Variants in PRKCQ observed in about 807,000 individuals in gnomAD.
The protein encoded by PRKCQ is protein kinase C theta type.
PRKCQ carries 41 observed loss-of-function variants against 91.2 expected under a neutral mutation model. That is an observed-to-expected ratio of 0.45 (90% CI 0.35 to 0.58). The LOEUF (loss-of-function observed/expected upper bound fraction) is 0.58. PRKCQ is among the 20% of genes least tolerant of loss of function. The pLI is 0.00. For missense variants in PRKCQ, 673 were observed against 896.5 expected (o/e 0.75, Z 3.18); for synonymous variants, 307 against 316.9 (o/e 0.97, Z 0.33).
the PRKCQ span, among the ~76,000 whole-genome samples, chr10:6,419,247 G>T: frequency 6.6e-6 from 1 of 152,000 alleles, no homozygotes; most frequent in East Asian, 1.9e-4. Context: ...TTATGTGTGT[G>T]TACATATGTG....
intron 13 of PRKCQ, 71 bp downstream of exon 13, chr10:6,464,242 A>G (rs1835510774): frequency 7.0e-7 from 1 of 1,420,742 alleles, no homozygotes. Flanking sequence ...CAAGTGGGAA[A>G]AAAGGAAAAA....
chr10:6,576,397 T>G lies in PRKCQ; in HGVS notation c.-10+3814A>C, dbSNP rs756102379. Reference sequence around the variant, plus strand: ...AGGAAGGAAGTCCTGTCCAATGCTGTCACATGGATACAGCTTGAGAACACT... The same window carrying G: ...AGGAAGGAAGTCCTGTCCAATGCTGGCACATGGATACAGCTTGAGAACACT... On this transcript the variant is annotated intron_variant, in intron 1 of 17. Coordinates refer to ENST00000263125, the MANE Select transcript of PRKCQ (RefSeq NM_006257.5). The surrounding 1 kb of genome is among the most constrained non-coding windows in gnomAD (Gnocchi z 4.2). Among the ~76,000 whole-genome samples, 20 of 152,242 alleles carry G rather than the reference T, an allele frequency of 1.3e-4. No individual in the cohort carries two copies. The highest frequency in any genetic ancestry group is 2.6e-4 in the Non-Finnish European group (18 of 68,044).
At chr10:6,482,706 G>T (rs776577355) in intron 11 of PRKCQ, among the ~76,000 whole-genome samples, 4 of 152,164 alleles carry the variant, frequency 2.6e-5, no homozygotes, top group African/African-American at 9.7e-5. Flanking sequence ...ATAAAGGAAA[G>T]AGGTTTAATG....
intron 1 of PRKCQ, among the ~76,000 whole-genome samples, chr10:6,557,414 C>T (rs901082182): frequency 1.3e-5 from 2 of 152,190 alleles, no homozygotes; most frequent in African/African-American, 4.8e-5. Context: ...AATTCAATTT[C>T]TTGGTCTTCC....
At chr10:6,570,735 A>G (rs996202803) in intron 1 of PRKCQ, among the ~76,000 whole-genome samples, 6 of 151,972 alleles carry the variant, frequency 3.9e-5, no homozygotes, top group Admixed American at 6.5e-5. Context: ...TTGTATTTTT[A>G]GTAGAGACGG....
intron 12 of PRKCQ, among the ~76,000 whole-genome samples, chr10:6,471,292 A>T (rs1343850759): frequency 6.6e-6 from 1 of 152,250 alleles, no homozygotes; most frequent in South Asian, 2.1e-4. Flanking sequence ...TAAACAGAAC[A>T]TATGAAAGAA....
intron 1 of PRKCQ, among the ~76,000 whole-genome samples, chr10:6,567,768 ATTCTACTT>A (rs1402886035): frequency 1.3e-5 from 2 of 152,204 alleles, no homozygotes; most frequent in Non-Finnish European, 2.9e-5. Flanking sequence ...ATGTTGGTTT[ATTCTACTT>A]TTAAGTGAGT....
chr10:6,555,116 G>A (rs887810294), intron 1 of PRKCQ, among the ~76,000 whole-genome samples: 1 of 151,944 alleles, frequency 6.6e-6, no homozygotes, highest in Non-Finnish European at 1.5e-5. Context: ...GATAGATACT[G>A]GGGACAAGTA....
intron 13 of PRKCQ, among the ~76,000 whole-genome samples, chr10:6,463,603 C>T (rs1026631114): frequency 1.3e-5 from 2 of 152,164 alleles, no homozygotes; most frequent in African/African-American, 4.8e-5. Context: ...TTTCTCAACC[C>T]ACTTCAACCT....
At chr10:6,463,626 G>A (rs1835475131) in intron 13 of PRKCQ, among the ~76,000 whole-genome samples, 1 of 152,176 alleles carries the variant, frequency 6.6e-6, no homozygotes, top group Non-Finnish European at 1.5e-5. Flanking sequence ...ACCACTCAAA[G>A]TGTTCATGCA....
At chr10:6,564,325 T>C (rs958735582) in intron 1 of PRKCQ, among the ~76,000 whole-genome samples, 2 of 152,106 alleles carry the variant, frequency 1.3e-5, no homozygotes, top group African/African-American at 4.8e-5. Flanking sequence ...TATTATGGTA[T>C]AAATGGCTGC....
At chr10:6,406,298 C>T in the PRKCQ span, among the ~76,000 whole-genome samples, 1 of 151,380 alleles carries the variant, frequency 6.6e-6, no homozygotes, top group Admixed American at 6.6e-5. Flanking sequence ...CAGTTTCTAA[C>T]ACCAAATAAT....
At chr10:6,505,627 CCTTCCCTCCCTTCCTTCCTTT>C (rs1337377970) in intron 4 of PRKCQ, among the ~76,000 whole-genome samples, 1 of 149,560 alleles carries the variant, frequency 6.7e-6, no homozygotes, top group Non-Finnish European at 1.5e-5. Context: ...TTCCTTCCTT[CCTTCCCTCCCTTCCTTCCTTT>C]CCTTTCCTTT....
At chr10:6,396,705 G>C in the PRKCQ span, among the ~76,000 whole-genome samples, 1 of 152,226 alleles carries the variant, frequency 6.6e-6, no homozygotes, top group Non-Finnish European at 1.5e-5. Context: ...CATTTGGGTT[G>C]TTCATACCTT....
chr10:6,404,021 G>A, the PRKCQ span, among the ~76,000 whole-genome samples: 2 of 151,986 alleles, frequency 1.3e-5, no homozygotes, highest in African/African-American at 2.4e-5. Flanking sequence ...AGCAGGATAC[G>A]AAGGCCTAAA....
chr10:6,404,619 C>T, the PRKCQ span, among the ~76,000 whole-genome samples: 1 of 134,820 alleles, frequency 7.4e-6, no homozygotes, highest in Non-Finnish European at 1.5e-5. Context: ...CTCTTTCTTT[C>T]TCTCTTTCCT....
the PRKCQ span, among the ~76,000 whole-genome samples, chr10:6,400,392 T>C: frequency 6.6e-6 from 1 of 152,224 alleles, no homozygotes; most frequent in African/African-American, 2.4e-5. Flanking sequence ...CCATACACAT[T>C]TGTTGAATGT....
At chr10:6,529,726 A>G (rs1839323908) in intron 1 of PRKCQ, among the ~76,000 whole-genome samples, 1 of 152,194 alleles carries the variant, frequency 6.6e-6, no homozygotes, top group Non-Finnish European at 1.5e-5. Context: ...AAGTGACTTA[A>G]TCTTTCTGTG....
chr10:6,491,888 A>G, intron 7 of PRKCQ, 76 bp from the exon 8 acceptor site: 1 of 1,569,132 alleles, frequency 6.4e-7, no homozygotes, highest in South Asian at 1.1e-5. Flanking sequence ...ATACCTTAGC[A>G]TAACTAACAG....
Sources: gnomAD v4.1 joint callset for allele counts (sites outside exome capture counted in the v4.1 genomes callset) on GRCh38, gnomAD v4.1.1 for gene constraint, Gnocchi (gnomAD v3.1) non-coding constraint, MANE v1.5 for transcripts, NCBI Gene and HGNC (gene_info 2026-07-23, HGNC 2026-07-21) for gene names.